CSMD1: variants seen among roughly 807,000 people sequenced by gnomAD.
CSMD1 encodes CUB and Sushi multiple domains 1.
CSMD1 carries 213 observed loss-of-function variants against 417.5 expected under a neutral mutation model. The observed-to-expected ratio is 0.51, with a 90% CI of 0.46 to 0.57. The LOEUF (loss-of-function observed/expected upper bound fraction) is 0.57, where lower values mean the gene tolerates loss of function less well. CSMD1 is among the 20% of genes least tolerant of loss of function. CSMD1 has a pLI of 0.00. For synonymous variants in CSMD1, 2,862 were observed against 1,736.8 expected, an observed-to-expected ratio of 1.65 and a Z score of -16.11; for missense variants, 6,923 against 4,529.7, an observed-to-expected ratio of 1.53 and a Z score of -15.17.
In CSMD1 at chr8:4,023,357, A is replaced by C. The variant is rs143370032; in HGVS notation, c.610+8548T>G. On this transcript the variant is annotated intron_variant, in intron 4 of 69. Coordinates refer to ENST00000635120, the MANE Select transcript of CSMD1 (RefSeq NM_033225.6). Reference sequence around the variant, plus strand: ...CCCATTAATACTGTATTAATGAAACAAGCAGAACAACAATGCCCTGGTCCA... The same window carrying C: ...CCCATTAATACTGTATTAATGAAACCAGCAGAACAACAATGCCCTGGTCCA... 6.0e-3 allele frequency among the ~76,000 whole-genome samples: 911 copies of C among 152,262 alleles called. 7 individuals carry two copies. The highest frequency in any genetic ancestry group is 0.018 in the African/African-American group (756 of 41,548).
chr8:4,163,732 A>G (rs1195986795), intron 3 of CSMD1, among the ~76,000 whole-genome samples: 2 of 152,228 alleles, frequency 1.3e-5, no homozygotes, highest in Non-Finnish European at 2.9e-5. Flanking sequence ...ATCTTGATTA[A>G]TCAGTAGCAC....
At chr8:3,618,678 G>A (rs1802264661) in intron 7 of CSMD1, among the ~76,000 whole-genome samples, 1 of 151,972 alleles carries the variant, frequency 6.6e-6, no homozygotes, top group Non-Finnish European at 1.5e-5. Context: ...ACTACCAGAA[G>A]ATTAAAATAA....
chr8:3,475,103 G>C (rs959848147), intron 11 of CSMD1, among the ~76,000 whole-genome samples: 3 of 152,002 alleles, frequency 2.0e-5, no homozygotes, highest in Non-Finnish European at 4.4e-5. Flanking sequence ...TCCTTGTATG[G>C]ACTGTCAACT....
chr8:3,416,607 G>A (rs1471677048), intron 12 of CSMD1, among the ~76,000 whole-genome samples: 1 of 152,168 alleles, frequency 6.6e-6, no homozygotes, highest in East Asian at 1.9e-4. Context: ...TCAACCATGG[G>A]TGTCCCAGGA....
intron 10 of CSMD1, among the ~76,000 whole-genome samples, chr8:3,564,436 T>C (rs1367323777): frequency 2.6e-5 from 4 of 152,182 alleles, no homozygotes; most frequent in African/African-American, 9.7e-5. Context: ...AGCTGTGCTG[T>C]TATTCTTTAC....
intron 1 of CSMD1, among the ~76,000 whole-genome samples, chr8:4,934,220 T>G (rs1040261860): frequency 6.6e-6 from 1 of 152,108 alleles, no homozygotes; most frequent in Admixed American, 6.5e-5. Flanking sequence ...CCTCCAACAT[T>G]TTTATCCAGA....
rs147475310 is a variant in CSMD1 at position 4,198,553 on chromosome 8, C to T, written c.416-166454G>A. Among the ~76,000 whole-genome samples the T allele has an allele frequency of 1.3e-3, 204 of 152,212 alleles. 2 individuals carry two copies. The highest frequency in any genetic ancestry group is 4.8e-3 in the African/African-American group (198 of 41,518). ...AAAGAAAGTGTCTAGAAATATGACA[C>T]TTTCAGGAACGTGCACAAGGAATTT... On this transcript the variant is annotated intron_variant, in intron 3 of 69. Coordinates refer to ENST00000635120, the MANE Select transcript of CSMD1 (RefSeq NM_033225.6).
At chr8:3,328,783 A>G (rs1244807926) in intron 23 of CSMD1, among the ~76,000 whole-genome samples, 1 of 152,262 alleles carries the variant, frequency 6.6e-6, no homozygotes, top group Non-Finnish European at 1.5e-5. Context: ...TAAACAAAAA[A>G]TGTGAAATAA....
At chr8:4,898,642 A>C (rs925724253) in intron 1 of CSMD1, among the ~76,000 whole-genome samples, 1 of 152,306 alleles carries the variant, frequency 6.6e-6, no homozygotes, top group South Asian at 2.1e-4. Flanking sequence ...TTTATGAAAA[A>C]TTTTTATGAA....
intron 8 of CSMD1, among the ~76,000 whole-genome samples, chr8:3,612,252 C>T (rs1004940435): frequency 9.2e-5 from 14 of 152,038 alleles, no homozygotes; most frequent in Non-Finnish European, 7.4e-5. Context: ...AACAAAAATA[C>T]ACAGCAATTT....
At chr8:4,076,740 C>A (rs559981745) in intron 3 of CSMD1, among the ~76,000 whole-genome samples, 59 of 152,256 alleles carry the variant, frequency 3.9e-4, no homozygotes, top group Admixed American at 1.6e-3. Context: ...AAGCCCTGAC[C>A]CACCCTGGGG....
At chr8:3,514,748 A>G (rs1038046527) in intron 10 of CSMD1, among the ~76,000 whole-genome samples, 1 of 152,140 alleles carries the variant, frequency 6.6e-6, no homozygotes, top group Non-Finnish European at 1.5e-5. Flanking sequence ...AGTAAAAATA[A>G]TTGCCTTCAT....
chr8:4,828,204 T>C (rs528894343), intron 1 of CSMD1, among the ~76,000 whole-genome samples: 8 of 152,324 alleles, frequency 5.3e-5, no homozygotes, highest in South Asian at 4.1e-4. Context: ...AGCAGCACTA[T>C]TGTCACTTAA....
intron 17 of CSMD1, among the ~76,000 whole-genome samples, chr8:3,395,560 G>A (rs935087375): frequency 1.8e-4 from 28 of 152,072 alleles, no homozygotes; most frequent in African/African-American, 6.5e-4. Context: ...CTTTCCATGT[G>A]GAAGTTTGGA....
At chr8:3,753,249 G>A (rs762800483) in intron 6 of CSMD1, among the ~76,000 whole-genome samples, 1 of 152,204 alleles carries the variant, frequency 6.6e-6, no homozygotes, top group Non-Finnish European at 1.5e-5. Flanking sequence ...GGAAATCGAA[G>A]TGGAATGGTT....
At chr8:4,844,849 A>C (rs1024728921) in intron 1 of CSMD1, among the ~76,000 whole-genome samples, 1 of 152,188 alleles carries the variant, frequency 6.6e-6, no homozygotes, top group Admixed American at 6.5e-5. Flanking sequence ...TTAAAAAGCT[A>C]AGAGATATGC....
intron 26 of CSMD1, among the ~76,000 whole-genome samples, chr8:3,261,321 A>G (rs1801044307): frequency 6.6e-6 from 1 of 152,176 alleles, no homozygotes; most frequent in Non-Finnish European, 1.5e-5. Context: ...TAAAAGCAAA[A>G]CATTCAATTC....
At chr8:3,444,902 T>G (rs1815205893) in intron 12 of CSMD1, among the ~76,000 whole-genome samples, 1 of 152,110 alleles carries the variant, frequency 6.6e-6, no homozygotes, top group Admixed American at 6.6e-5. Flanking sequence ...TAAACACAGC[T>G]GGTCAGTGCA....
intron 1 of CSMD1, among the ~76,000 whole-genome samples, chr8:4,708,550 G>C (rs1389837497): frequency 1.3e-5 from 2 of 152,184 alleles, no homozygotes; most frequent in African/African-American, 4.8e-5. Context: ...AAAGGAAGGT[G>C]ATTGCCAGGT....
Sources: allele counts gnomAD v4.1 joint callset (sites outside exome capture counted in the v4.1 genomes callset), GRCh38; gene constraint gnomAD v4.1.1; transcripts MANE v1.5; gene names NCBI Gene and HGNC (gene_info 2026-07-23, HGNC 2026-07-21).